TMEM229B: variants seen among roughly 807,000 people sequenced by gnomAD.
TMEM229B encodes the protein transmembrane protein 229B, also known as chromosome 14 open reading frame 83.
TMEM229B carries 6 observed loss-of-function variants against 13.7 expected under a neutral mutation model. The observed-to-expected ratio is 0.44, with a 90% confidence interval of 0.24 to 0.86. TMEM229B has a LOEUF of 0.86. Ranked by LOEUF, TMEM229B falls within the 40% of genes least tolerant of loss-of-function variation. The pLI is 0.23. For missense variants in TMEM229B, 170 were observed against 236.0 expected, an observed-to-expected ratio of 0.72 and a Z score of 1.83; for synonymous variants, 107 against 102.1, an observed-to-expected ratio of 1.05 and a Z score of -0.29.
chr14:67,522,232 A>G (rs1326991044), intron 1 of TMEM229B, among the ~76,000 whole-genome samples: 2 of 152,200 alleles, frequency 1.3e-5, no homozygotes, highest in Non-Finnish European at 2.9e-5. Flanking sequence ...GGAGAGCCCC[A>G]TTCCACACAT....
chr14:67,511,124 A>G (rs936102225), intron 1 of TMEM229B, among the ~76,000 whole-genome samples: 2 of 152,170 alleles, frequency 1.3e-5, no homozygotes, highest in African/African-American at 2.4e-5. Context: ...CTCATGTGAC[A>G]GGGGTGCCTC....
Position 67,532,318 on chromosome 14 carries a change from T to C in TMEM229B, c.-192+1318A>G, listed in dbSNP as rs555861857. Among the ~76,000 whole-genome samples the C allele has an allele frequency of 5.3e-5, 8 of 152,346 alleles. No homozygotes were observed. The South Asian group carries it at 1.7e-3, about 32-fold the overall frequency. On this transcript the variant is annotated intron_variant, in intron 1 of 2. Coordinates refer to the TMEM229B transcript ENST00000554278. ...ACAGGCGCTGATGGTATTTTGCTTC[T>C]GTTCAGTCCTTCACTGACAGAGAGC...
chr14:67,504,766 T>A (rs1275932049), intron 1 of TMEM229B, among the ~76,000 whole-genome samples: 2 of 151,992 alleles, frequency 1.3e-5, no homozygotes, highest in Non-Finnish European at 2.9e-5. Flanking sequence ...GTGCCCATAA[T>A]CCCAGCTACT....
intron 2 of TMEM229B, among the ~76,000 whole-genome samples, chr14:67,475,778 T>G (rs1011546758): frequency 4.6e-5 from 7 of 152,182 alleles, no homozygotes; most frequent in Admixed American, 1.3e-4. Flanking sequence ...CCGGCTCCCA[T>G]GCTGCTTCTC....
chr14:67,502,473 G>A (rs1471369336), intron 1 of TMEM229B, among the ~76,000 whole-genome samples: 3 of 104,410 alleles, frequency 2.9e-5, no homozygotes, highest in Admixed American at 1.0e-4. Flanking sequence ...TTTTTTTTGA[G>A]ACTGAGTTTT....
At chr14:67,524,709 C>T (rs989064708) in intron 1 of TMEM229B, among the ~76,000 whole-genome samples, 2 of 152,188 alleles carry the variant, frequency 1.3e-5, no homozygotes, top group African/African-American at 4.8e-5. Flanking sequence ...CCTTGGACAA[C>T]CGCCAAACCA....
chr14:67,477,705 G>A (rs1049776657), intron 2 of TMEM229B, among the ~76,000 whole-genome samples: 5 of 152,264 alleles, frequency 3.3e-5, no homozygotes, highest in African/African-American at 4.8e-5. Context: ...CAGAAGGATC[G>A]CTCGAGCCCA....
chr14:67,527,675 C>T (rs2033388460), intron 1 of TMEM229B, among the ~76,000 whole-genome samples: 1 of 152,302 alleles, frequency 6.6e-6, no homozygotes, highest in African/African-American at 2.4e-5. Context: ...CGCAGCAGCC[C>T]CTCATTCCCC....
chr14:67,519,569 G>A (rs1384181353), upstream of TMEM229B, among the ~76,000 whole-genome samples: 1 of 152,150 alleles, frequency 6.6e-6, no homozygotes, highest in Non-Finnish European at 1.5e-5. Flanking sequence ...ACTGCACATC[G>A]TGATTAGAGG....
chr14:67,515,953 C>A (rs1001575153), upstream of TMEM229B, among the ~76,000 whole-genome samples: 1 of 152,220 alleles, frequency 6.6e-6, no homozygotes, highest in African/African-American at 2.4e-5. Context: ...GCTTGAACTT[C>A]TAAGGCTCAC....
chr14:67,513,875 G>A (rs145261681), intron 1 of TMEM229B, among the ~76,000 whole-genome samples: 265 of 152,320 alleles, frequency 1.7e-3, no homozygotes, highest in African/African-American at 6.1e-3. Flanking sequence ...AAGGCACCTT[G>A]TTCCTGGAGA....
chr14:67,515,484 C>A, upstream of TMEM229B: 1 of 158,312 alleles, frequency 6.3e-6, no homozygotes, highest in South Asian at 1.7e-4. Context: ...ATGCTCGCGT[C>A]TGACAGGCGC....
upstream of TMEM229B, among the ~76,000 whole-genome samples, chr14:67,516,860 T>C (rs1053196854): frequency 1.3e-5 from 2 of 152,184 alleles, no homozygotes; most frequent in Non-Finnish European, 2.9e-5. Flanking sequence ...CTCAAACTAG[T>C]ACAGGAGGTA....
At chr14:67,494,709 A>G (rs890471801) in intron 1 of TMEM229B, among the ~76,000 whole-genome samples, 3 of 152,212 alleles carry the variant, frequency 2.0e-5, no homozygotes, top group African/African-American at 7.2e-5. Flanking sequence ...CAGAATCAGC[A>G]TTCACAGAGA....
At chr14:67,492,191 T>G (rs556806192), upstream of TMEM229B, among the ~76,000 whole-genome samples, 5 of 152,182 alleles carry the variant, frequency 3.3e-5, no homozygotes, top group East Asian at 9.7e-4. Flanking sequence ...TGGTCTCTGG[T>G]CCCACGTCTA....
chr14:67,530,733 C>T (rs934681771), intron 1 of TMEM229B, among the ~76,000 whole-genome samples: 6 of 152,112 alleles, frequency 3.9e-5, no homozygotes, highest in Admixed American at 6.5e-5. Flanking sequence ...GATTATTTGC[C>T]CTTGCATGAA....
rs879609292 is a variant in TMEM229B, at chr14:67,495,486, ATT to A, written c.-191-8316_-191-8315del. Among the ~76,000 whole-genome samples, 8 of 144,440 alleles carry A rather than the reference ATT, an allele frequency of 5.5e-5. No homozygotes were observed. In the Admixed American group the frequency reaches 5.5e-4, roughly 10 times the overall value. 94.8% of individuals were successfully genotyped at this position (144,440 alleles called of 152,430 possible). On this transcript the variant is annotated intron_variant, in intron 1 of 2. Coordinates refer to the TMEM229B transcript ENST00000357461. Reference sequence around the variant, plus strand: ...CATTTGTTAAATCACAGCCTTCTGGATTTTTTTTTTTTTCAGATGGAGTTTCA... The same window carrying A: ...CATTTGTTAAATCACAGCCTTCTGGATTTTTTTTTTTCAGATGGAGTTTCA...
chr14:67,520,144 G>A (rs1389103382), upstream of TMEM229B, among the ~76,000 whole-genome samples: 1 of 152,166 alleles, frequency 6.6e-6, no homozygotes, highest in African/African-American at 2.4e-5. Context: ...TCCCCCACCA[G>A]AGTCGTATAT....
At chr14:67,521,739 C>T (rs535669027) in intron 1 of TMEM229B, among the ~76,000 whole-genome samples, 3 of 152,018 alleles carry the variant, frequency 2.0e-5, no homozygotes, top group Non-Finnish European at 4.4e-5. Context: ...ATAAGAAGAG[C>T]AGTAAATTAA....
Sources: allele counts gnomAD v4.1 joint callset (sites outside exome capture counted in the v4.1 genomes callset), GRCh38; gene constraint gnomAD v4.1.1; transcripts MANE v1.5; gene names NCBI Gene and HGNC (gene_info 2026-07-23, HGNC 2026-07-21).